ZNF277: variants seen among roughly 807,000 people sequenced by gnomAD.
ZNF277 encodes the protein zinc finger protein 277.
In ZNF277, 55 loss-of-function variants were observed where a neutral mutation model predicts 60.7. That is an observed-to-expected ratio of 0.91 (90% CI 0.73 to 1.13). The LOEUF is 1.13. Ranked by LOEUF, ZNF277 falls within the 50% of genes most tolerant of loss-of-function variation. The probability of loss-of-function intolerance (pLI) is 0.00; values close to 1 mark genes in which losing one functional copy is unlikely to be tolerated. For missense variants in ZNF277, 510 were observed against 523.0 expected, an observed-to-expected ratio of 0.98 and a Z score of 0.24; for synonymous variants, 178 against 179.3, an observed-to-expected ratio of 0.99 and a Z score of 0.06.
intron 5 of ZNF277, among the ~76,000 whole-genome samples, chr7:112,322,557 A>G (rs1350017030): frequency 6.6e-6 from 1 of 152,080 alleles, no homozygotes; most frequent in East Asian, 1.9e-4. Flanking sequence ...TGCCTATGTA[A>G]AATACATAAT....
At chr7:112,267,430 T>C (rs903059491) in intron 1 of ZNF277, among the ~76,000 whole-genome samples, 15 of 152,234 alleles carry the variant, frequency 9.9e-5, no homozygotes, top group African/African-American at 3.6e-4. Flanking sequence ...GTTTTAACTT[T>C]AGTTATCTTA....
At chr7:112,271,885 C>A (rs1791677240) in intron 1 of ZNF277, among the ~76,000 whole-genome samples, 1 of 151,896 alleles carries the variant, frequency 6.6e-6, no homozygotes, top group Non-Finnish European at 1.5e-5. Flanking sequence ...GCATAATAAT[C>A]ACATCAGGAT....
chr7:112,296,366 A>G (rs1414787802), intron 4 of ZNF277, 55 bp downstream of exon 4: 1 of 853,378 alleles, frequency 1.2e-6, no homozygotes, highest in African/African-American at 1.8e-5. Context: ...ATAAATACAT[A>G]TAAAATCATA....
chr7:112,215,941 A>G (rs552007822), intron 1 of ZNF277, among the ~76,000 whole-genome samples: 2 of 152,204 alleles, frequency 1.3e-5, no homozygotes, highest in Non-Finnish European at 2.9e-5. Context: ...AATATCCTGT[A>G]CCCGCTAATC....
intron 1 of ZNF277, among the ~76,000 whole-genome samples, chr7:112,212,146 A>T (rs1482948973): frequency 6.6e-6 from 1 of 152,236 alleles, no homozygotes; most frequent in Non-Finnish European, 1.5e-5. Context: ...TAAAGTTTTA[A>T]TGTTGTTTAA....
chr7:112,266,645 C>CA, intron 1 of ZNF277, among the ~76,000 whole-genome samples: 1 of 152,202 alleles, frequency 6.6e-6, no homozygotes, highest in African/African-American at 2.4e-5. Flanking sequence ...TCGTAACAAC[C>CA]AAACTGACTT....
At position 112,287,019 on chromosome 7, in the gene ZNF277, A is replaced by G; in HGVS notation, c.238A>G (p.Ile80Val). Residue 80 changes from isoleucine to valine, a missense_variant, in exon 2 of 12, where the codon ATT becomes GTT. Ile to Val is a conservative substitution (Grantham distance 29, BLOSUM62 3). Coordinates refer to ENST00000361822, the MANE Select transcript of ZNF277 (RefSeq NM_021994.3). ...AEQDKLLKHM[I>V]IEHKIVIADV... is the part of the protein sequence containing the mutation. The stretch of plus-strand genomic sequence containing the variant: ...ACAAGACAAACTTCTGAAGCACATG[A>G]TTATTGAGCATAAGATTGTCATAGC... 6.2e-7 allele frequency: 1 copy of G among 1,614,042 alleles called. No individual in the cohort carries two copies. The highest frequency in any genetic ancestry group is 1.1e-5 in the South Asian group (1 of 91,068).
intron 5 of ZNF277, among the ~76,000 whole-genome samples, chr7:112,322,476 T>C (rs1223483669): frequency 2.6e-5 from 4 of 152,046 alleles, no homozygotes; most frequent in Non-Finnish European, 5.9e-5. Context: ...TCAGTTATTG[T>C]ACTTTAAAAT....
chr7:112,254,997 C>A (rs561476769), intron 1 of ZNF277, among the ~76,000 whole-genome samples: 26 of 151,388 alleles, frequency 1.7e-4, no homozygotes, highest in Middle Eastern at 6.8e-3. Flanking sequence ...AACAAACAAA[C>A]AAAAAAAACA....
intron 2 of ZNF277, among the ~76,000 whole-genome samples, chr7:112,295,555 T>TTCAGAAAAATTCATTATC (rs1483606501): frequency 6.6e-6 from 1 of 152,134 alleles, no homozygotes; most frequent in Non-Finnish European, 1.5e-5. Flanking sequence ...TAGGTGTTAT[T>TTCAGAAAAATTCATTATC]TCAGAAAAAT....
chr7:112,270,399 GGAAGGACTTA>G (rs1308785145), intron 1 of ZNF277, among the ~76,000 whole-genome samples: 2 of 152,074 alleles, frequency 1.3e-5, no homozygotes, highest in Non-Finnish European at 2.9e-5. Context: ...TTTGCTATAA[GGAAGGACTTA>G]GAATTTTCAG....
chr7:112,272,791 G>A (rs1791704040), intron 1 of ZNF277, among the ~76,000 whole-genome samples: 2 of 152,244 alleles, frequency 1.3e-5, no homozygotes, highest in Non-Finnish European at 2.9e-5. Flanking sequence ...ACTGTACCCG[G>A]CCTTATTTTT....
At chr7:112,266,207 G>A (rs533464710) in intron 1 of ZNF277, among the ~76,000 whole-genome samples, 2 of 151,940 alleles carry the variant, frequency 1.3e-5, no homozygotes, top group Admixed American at 6.6e-5. Context: ...GTGTAGTGGC[G>A]CTATCTGGGC....
intron 1 of ZNF277, among the ~76,000 whole-genome samples, chr7:112,282,360 A>G (rs1215443298): frequency 6.6e-6 from 1 of 152,266 alleles, no homozygotes; most frequent in Non-Finnish European, 1.5e-5. Context: ...TGTATCGGAC[A>G]TAAGAGGAAT....
At chr7:112,324,123 TAA>T (rs1793046757) in intron 5 of ZNF277, among the ~76,000 whole-genome samples, 1 of 152,210 alleles carries the variant, frequency 6.6e-6, no homozygotes, top group African/African-American at 2.4e-5. Context: ...TACATCTCAA[TAA>T]AGTCATTGTA....
chr7:112,294,697 A>G (rs1792286349), intron 2 of ZNF277, among the ~76,000 whole-genome samples: 1 of 152,074 alleles, frequency 6.6e-6, no homozygotes, highest in African/African-American at 2.4e-5. Context: ...TGTCATGTTT[A>G]TCTCTTTCTC....
intron 4 of ZNF277, among the ~76,000 whole-genome samples, chr7:112,299,810 G>A (rs111871616): frequency 0.028 from 4,249 of 152,220 alleles, 208 homozygotes; most frequent in African/African-American, 0.098. Flanking sequence ...TCAAGTCCAC[G>A]AGGAAGAACC....
intron 1 of ZNF277, among the ~76,000 whole-genome samples, chr7:112,257,303 A>G (rs542022002): frequency 6.6e-6 from 1 of 152,334 alleles, no homozygotes; most frequent in South Asian, 2.1e-4. Context: ...AGGTGGTAGA[A>G]CCAGAAGAAT....
intron 11 of ZNF277, 161 bp downstream of exon 11, chr7:112,341,207 C>A: frequency 1.8e-6 from 1 of 566,178 alleles, no homozygotes; most frequent in Non-Finnish European, 2.7e-6. Flanking sequence ...ATTCAAAATG[C>A]TTATTTTTAA....
Sources: allele counts gnomAD v4.1 joint callset (sites outside exome capture counted in the v4.1 genomes callset), GRCh38; gene constraint gnomAD v4.1.1; transcripts MANE v1.5; gene names NCBI Gene and HGNC (gene_info 2026-07-23, HGNC 2026-07-21).